COLEC12: variants seen among roughly 807,000 people sequenced by gnomAD.
The protein encoded by COLEC12 is collectin subfamily member 12, also known as collectin-12.
In COLEC12, 33 loss-of-function variants were observed where a neutral mutation model predicts 71.1. That is an observed-to-expected ratio of 0.46 (90% CI 0.35 to 0.62). The LOEUF is 0.62. COLEC12 is among the 20% of genes least tolerant of loss of function. COLEC12 has a pLI of 0.00. For missense variants in COLEC12, 765 were observed against 916.1 expected, an observed-to-expected ratio of 0.84 and a Z score of 2.13; for synonymous variants, 350 against 353.0, an observed-to-expected ratio of 0.99 and a Z score of 0.10.
At chr18:478,772 G>A (rs1211474554) in intron 2 of COLEC12, among the ~76,000 whole-genome samples, 1 of 152,072 alleles carries the variant, frequency 6.6e-6, no homozygotes, top group African/African-American at 2.4e-5. Flanking sequence ...CTATTCCAAG[G>A]TTTCCCATTT....
intron 2 of COLEC12, among the ~76,000 whole-genome samples, chr18:440,451 C>G (rs1313790863): frequency 1.3e-5 from 2 of 151,814 alleles, no homozygotes; most frequent in Non-Finnish European, 2.9e-5. Context: ...TTATGGTAAC[C>G]ATTTCACATT....
At chr18:423,872 C>T (rs546406535) in intron 2 of COLEC12, 1 of 152,098 alleles carries the variant, frequency 6.6e-6, no homozygotes, top group Non-Finnish European at 1.5e-5. Flanking sequence ...GTCTCTCCTT[C>T]CCAAAAGAGA....
intron 8 of COLEC12, among the ~76,000 whole-genome samples, chr18:325,341 T>C (rs1216218433): frequency 6.6e-6 from 1 of 152,150 alleles, no homozygotes; most frequent in Non-Finnish European, 1.5e-5. Flanking sequence ...TCCCACCAAA[T>C]GAGGTCCCGT....
intron 3 of COLEC12, among the ~76,000 whole-genome samples, chr18:349,843 T>C (rs7235386): frequency 0.21 from 31,452 of 152,170 alleles, 4,096 homozygotes; most frequent in African/African-American, 0.37. Context: ...CCCCTCTGTT[T>C]TGGCCAATTT....
intron 2 of COLEC12, among the ~76,000 whole-genome samples, chr18:382,597 C>T (rs183981309): frequency 2.9e-4 from 44 of 152,290 alleles, no homozygotes; most frequent in Admixed American, 2.9e-3. Context: ...GGACACTCCA[C>T]TTATTAGCAC....
intron 2 of COLEC12, among the ~76,000 whole-genome samples, chr18:403,714 G>T (rs781020214): frequency 5.9e-5 from 9 of 152,202 alleles, no homozygotes; most frequent in Non-Finnish European, 1.2e-4. Flanking sequence ...CAGAGTTGAG[G>T]AAATGGTCCT....
intron 2 of COLEC12, among the ~76,000 whole-genome samples, chr18:385,418 G>A (rs1287443313): frequency 2.7e-5 from 4 of 147,588 alleles, no homozygotes; most frequent in Admixed American, 6.9e-5. Flanking sequence ...TCCACCTCCC[G>A]GGCTCAAGCG....
At chr18:406,474 A>G (rs1297623360) in intron 2 of COLEC12, among the ~76,000 whole-genome samples, 3 of 131,830 alleles carry the variant, frequency 2.3e-5, no homozygotes, top group Non-Finnish European at 4.6e-5. Flanking sequence ...GCGCCACTGC[A>G]GTCCGCAGTC....
chr18:342,607 A>G (rs545366540), intron 5 of COLEC12, among the ~76,000 whole-genome samples: 1 of 152,372 alleles, frequency 6.6e-6, no homozygotes, highest in South Asian at 2.1e-4. Context: ...CAGAAAGGGA[A>G]AGGTGCTAGA....
intron 2 of COLEC12, among the ~76,000 whole-genome samples, chr18:404,817 G>T (rs1176612470): frequency 6.6e-6 from 1 of 152,122 alleles, no homozygotes; most frequent in Non-Finnish European, 1.5e-5. Context: ...CCTTGAAAAA[G>T]AACAGAATAA....
chr18:321,885 T>C (rs1446312191), intron 8 of COLEC12, 78 bp from the exon 9 acceptor site: 3 of 1,400,428 alleles, frequency 2.1e-6, no homozygotes, highest in Admixed American at 2.2e-5. Context: ...GCAGAGAATA[T>C]AAAAAAACAA....
chr18:441,715 C>T lies in COLEC12; in HGVS notation c.58+38992G>A, dbSNP rs550739819. Among the ~76,000 whole-genome samples the T allele has an allele frequency of 2.0e-5, 3 of 152,058 alleles. No individual in the cohort carries two copies. The South Asian group carries it at 6.2e-4, about 32-fold the overall frequency. On this transcript the variant is annotated intron_variant, in intron 2 of 9. Transcript: ENST00000400256. ...GTACACAATTCAACAGGAAACTGAC[C>T]AGGCACAGTGTGGACTCACGCCTGT... is the stretch of plus-strand genomic sequence containing the variant.
intron 2 of COLEC12, among the ~76,000 whole-genome samples, chr18:456,758 T>C (rs1018591202): frequency 6.6e-6 from 1 of 152,232 alleles, no homozygotes; most frequent in Non-Finnish European, 1.5e-5. Flanking sequence ...CCGCAAGCAG[T>C]GGCAGCCCCT....
intron 3 of COLEC12, among the ~76,000 whole-genome samples, chr18:349,165 C>T (rs1418072303): frequency 6.6e-6 from 1 of 152,180 alleles, no homozygotes; most frequent in Non-Finnish European, 1.5e-5. Context: ...GGCCTGGAGG[C>T]CCAGGAGAAA....
intron 1 of COLEC12, among the ~76,000 whole-genome samples, chr18:488,783 G>T (rs1007739030): frequency 6.6e-5 from 10 of 151,874 alleles, no homozygotes; most frequent in Non-Finnish European, 1.5e-4. Context: ...TGAGGCAGGA[G>T]AATTGCTTGA....
At chr18:393,062 T>C (rs1349122542) in intron 2 of COLEC12, among the ~76,000 whole-genome samples, 2 of 152,216 alleles carry the variant, frequency 1.3e-5, no homozygotes, top group East Asian at 1.9e-4. Context: ...ATACCCTAAG[T>C]TGTATTCACA....
At chr18:323,485 A>T (rs1362518936) in intron 8 of COLEC12, among the ~76,000 whole-genome samples, 2 of 152,236 alleles carry the variant, frequency 1.3e-5, no homozygotes, top group African/African-American at 4.8e-5. Flanking sequence ...TACATAACAG[A>T]TGAGTCACAA....
chr18:425,834 C>G (rs2143663139), intron 2 of COLEC12, among the ~76,000 whole-genome samples: 1 of 152,316 alleles, frequency 6.6e-6, no homozygotes, highest in Non-Finnish European at 1.5e-5. Context: ...TTTAAGAACT[C>G]ACCACCCCAT....
chr18:357,567 T>C, intron 2 of COLEC12, 45 bp from the exon 3 acceptor site: 1 of 1,472,430 alleles, frequency 6.8e-7, no homozygotes, highest in Non-Finnish European at 9.1e-7. Context: ...AAAGATGTCA[T>C]TTTAAAATTT....
Sources: gnomAD v4.1 joint callset for allele counts (sites outside exome capture counted in the v4.1 genomes callset) on GRCh38, gnomAD v4.1.1 for gene constraint, MANE v1.5 for transcripts, NCBI Gene and HGNC (gene_info 2026-07-23, HGNC 2026-07-21) for gene names.